Variants in GIPC2 observed in about 807,000 individuals in gnomAD.
GIPC2 encodes GIPC PDZ domain containing family member 2, also known as PDZ domain-containing protein GIPC2.
A neutral mutation model predicts 30.6 loss-of-function variants in GIPC2; 30 were observed. That is an observed-to-expected ratio of 0.98 (90% CI 0.73 to 1.33). The LOEUF (loss-of-function observed/expected upper bound fraction) is 1.33, where lower values mean the gene tolerates loss of function less well. Among genes scored for constraint, GIPC2 ranks in the 40% most tolerant of loss-of-function variants. GIPC2 has a pLI of 0.00. For synonymous variants in GIPC2, 167 were observed against 150.0 expected, an observed-to-expected ratio of 1.11 and a Z score of -0.83; for missense variants, 414 against 390.3, an observed-to-expected ratio of 1.06 and a Z score of -0.51.
At chr1:78,099,962 T>C (rs1662210561) in intron 3 of GIPC2, among the ~76,000 whole-genome samples, 1 of 152,092 alleles carries the variant, frequency 6.6e-6, no homozygotes, top group South Asian at 2.1e-4. Context: ...CAAGAGTCAG[T>C]AGAGAACAAA....
intron 1 of GIPC2, among the ~76,000 whole-genome samples, chr1:78,055,892 C>T (rs1254666443): frequency 6.6e-6 from 1 of 152,140 alleles, no homozygotes; most frequent in Non-Finnish European, 1.5e-5. Flanking sequence ...ATGGCAGACA[C>T]CTTCCATGGC....
intron 3 of GIPC2, among the ~76,000 whole-genome samples, chr1:78,099,708 G>T (rs1408443635): frequency 6.6e-6 from 1 of 152,084 alleles, no homozygotes; most frequent in Non-Finnish European, 1.5e-5. Context: ...AAAGTGCTAG[G>T]ATTACAGGCG....
At chr1:78,045,945 G>C, upstream of GIPC2, 1 of 1,362,624 alleles carries the variant, frequency 7.3e-7, no homozygotes, top group East Asian at 3.1e-5. Context: ...GTGGAGGTCG[G>C]GGCCCTGACC....
At chr1:78,051,606 TC>T (rs1661199010) in intron 1 of GIPC2, among the ~76,000 whole-genome samples, 1 of 152,084 alleles carries the variant, frequency 6.6e-6, no homozygotes, top group Non-Finnish European at 1.5e-5. Flanking sequence ...TTCAAGTGAT[TC>T]TCCTGCCTCA....
intron 1 of GIPC2, among the ~76,000 whole-genome samples, chr1:78,072,138 G>C (rs1471623588): frequency 6.6e-6 from 1 of 152,182 alleles, no homozygotes; most frequent in Non-Finnish European, 1.5e-5. Flanking sequence ...ATGGTATTAT[G>C]ATACATCTCA....
In GIPC2 at chr1:78,127,646, T is replaced by C. The variant is rs1662806114; in HGVS notation, c.796+1684T>C. ...ACCAATCACCTCCTATAAATTTTAT[T>C]TAACAATCTATTCTTATTTTCTTTC... On this transcript the variant is annotated intron_variant, in intron 5 of 5. Coordinates refer to ENST00000370759, the MANE Select transcript of GIPC2 (RefSeq NM_017655.6). Among the ~76,000 whole-genome samples the C allele has an allele frequency of 2.0e-5, 3 of 152,176 alleles. No individual in the cohort carries two copies. In the South Asian group the frequency reaches 6.2e-4, roughly 32 times the overall value.
chr1:78,125,193 G>C (rs150294322), intron 4 of GIPC2, among the ~76,000 whole-genome samples: 9 of 152,094 alleles, frequency 5.9e-5, no homozygotes, highest in African/African-American at 2.2e-4. Flanking sequence ...ACCACACCTG[G>C]TTACTTTTAA....
chr1:78,078,013 C>G (rs1315152723), intron 1 of GIPC2, among the ~76,000 whole-genome samples: 1 of 151,198 alleles, frequency 6.6e-6, no homozygotes, highest in African/African-American at 2.4e-5. Flanking sequence ...ACGGTGAAAC[C>G]CCGTCTCTAC....
chr1:78,096,393 T>C (rs930723427), intron 3 of GIPC2, among the ~76,000 whole-genome samples: 1 of 152,220 alleles, frequency 6.6e-6, no homozygotes, highest in Admixed American at 6.5e-5. Context: ...ATTTAGACTC[T>C]TTGTAAATCA....
In GIPC2 at chr1:78,092,098, C is replaced by T; in HGVS notation, c.427-2854C>T. On this transcript the variant is annotated intron_variant, in intron 2 of 5. Coordinates refer to ENST00000370759, the MANE Select transcript of GIPC2 (RefSeq NM_017655.6). ...CCCCCGGCTTTGTGTCTGTGGGTGG[C>T]CTGTGGTATATGGAAAAGTAGCAGG... 2.4e-6 allele frequency: 3 copies of T among 1,266,440 alleles called. No homozygotes were observed. In the Admixed American group the frequency reaches 5.1e-5, roughly 22 times the overall value. 78.5% of individuals were successfully genotyped at this position (1,266,440 alleles called of 1,614,324 possible).
intron 1 of GIPC2, among the ~76,000 whole-genome samples, chr1:78,071,428 A>G (rs1001425856): frequency 6.6e-6 from 1 of 151,580 alleles, no homozygotes; most frequent in Non-Finnish European, 1.5e-5. Flanking sequence ...AACACAATAT[A>G]TTTGGTTCCA....
rs1452324576 is a variant in GIPC2, at chr1:78,046,333, AGGT to A, written c.240_240+2del. ...GGCGCGTTTGAAATCTCGCCGTCGGAGGTAAGGCGCCAGGTGCTCAGGCTCTCC... is the reference window on the plus strand; with the variant it reads ...GGCGCGTTTGAAATCTCGCCGTCGGAAAGGCGCCAGGTGCTCAGGCTCTCC... On this transcript the variant is annotated splice_donor_variant and coding_sequence_variant, in exon 1 of 6. Transcript: ENST00000370759. LOFTEE classifies it high-confidence loss of function. 6.2e-7 allele frequency: 1 copy of A among 1,608,852 alleles called. No individual in the cohort carries two copies. Among genetic ancestry groups the A allele is most frequent in the African/African-American group, 1.3e-5 (1 of 74,762 alleles).
At chr1:78,054,457 G>A (rs1439964641) in intron 1 of GIPC2, among the ~76,000 whole-genome samples, 5 of 152,170 alleles carry the variant, frequency 3.3e-5, no homozygotes. Flanking sequence ...TATTCTGTAG[G>A]CAATGAGAAT....
chr1:78,110,179 G>GT (rs1426419738), intron 3 of GIPC2, among the ~76,000 whole-genome samples: 1 of 146,962 alleles, frequency 6.8e-6, no homozygotes, highest in Non-Finnish European at 1.5e-5. Flanking sequence ...AAAACTTAAA[G>GT]TAAAAAAAAA....
chr1:78,119,265 G>A (rs1662632823), intron 3 of GIPC2, 128 bp from the exon 4 acceptor site: 2 of 567,768 alleles, frequency 3.5e-6, no homozygotes, highest in African/African-American at 1.9e-5. Context: ...CTATAAGAAG[G>A]CCTACGTTTT....
intron 3 of GIPC2, among the ~76,000 whole-genome samples, chr1:78,107,895 C>T (rs78728517): frequency 0.013 from 1,759 of 139,654 alleles, 39 homozygotes; most frequent in African/African-American, 0.044. Context: ...ACTTATTCTA[C>T]GTATTGTAGC....
intron 1 of GIPC2, among the ~76,000 whole-genome samples, chr1:78,067,019 C>T (rs998647419): frequency 6.6e-6 from 1 of 151,900 alleles, no homozygotes; most frequent in Non-Finnish European, 1.5e-5. Flanking sequence ...ACATGTACCC[C>T]GAACTTTAAA....
intron 5 of GIPC2, among the ~76,000 whole-genome samples, chr1:78,132,654 TATAGCC>T: frequency 8.1e-6 from 1 of 122,814 alleles, no homozygotes; most frequent in South Asian, 2.9e-4. Flanking sequence ...TTTTCCCTCT[TATAGCC>T]AAGGATGTGT....
intron 1 of GIPC2, among the ~76,000 whole-genome samples, chr1:78,068,049 C>G: frequency 6.6e-6 from 1 of 152,132 alleles, no homozygotes; most frequent in South Asian, 2.1e-4. Context: ...CTAAGTTGAA[C>G]ATTTCAGTTA....
Sources: allele counts gnomAD v4.1 joint callset (sites outside exome capture counted in the v4.1 genomes callset), GRCh38; gene constraint gnomAD v4.1.1; transcripts MANE v1.5; gene names NCBI Gene and HGNC (gene_info 2026-07-23, HGNC 2026-07-21).